CFAP210: variants seen among roughly 807,000 people sequenced by gnomAD.
CFAP210 encodes cilia- and flagella- associated protein 210.
chr2:169,652,415 G>A, the CFAP210 span, among the ~76,000 whole-genome samples: 3 of 152,112 alleles, frequency 2.0e-5, no homozygotes, highest in African/African-American at 4.8e-5. Context: ...CACTATTCCC[G>A]GTGCTGGGGA....
At chr2:169,647,735 A>G in the CFAP210 span, among the ~76,000 whole-genome samples, 4 of 152,232 alleles carry the variant, frequency 2.6e-5, no homozygotes, top group Non-Finnish European at 5.9e-5. Flanking sequence ...TACATCAAAG[A>G]TACTATCAAT....
the CFAP210 span, chr2:169,694,372 G>C: frequency 6.3e-7 from 1 of 1,580,606 alleles, no homozygotes; most frequent in Non-Finnish European, 8.7e-7. Context: ...CAAGCGCCGC[G>C]GACGCCAGCC....
chr2:169,683,710 G>A, the CFAP210 span, among the ~76,000 whole-genome samples: 8 of 152,234 alleles, frequency 5.3e-5, no homozygotes, highest in Non-Finnish European at 8.8e-5. Flanking sequence ...AAGCTATGCA[G>A]TGCAAAGTGT....
the CFAP210 span, among the ~76,000 whole-genome samples, chr2:169,661,996 A>G: frequency 1.3e-5 from 2 of 152,202 alleles, no homozygotes; most frequent in Non-Finnish European, 2.9e-5. Context: ...GATATAAGGA[A>G]TAAGTTCTAG....
At chr2:169,656,494 G>T in the CFAP210 span, among the ~76,000 whole-genome samples, 1 of 133,300 alleles carries the variant, frequency 7.5e-6, no homozygotes, top group Non-Finnish European at 1.7e-5. Context: ...GGAGAAGGAG[G>T]TGCGGGAGGA....
chr2:169,649,683 C>G, the CFAP210 span, among the ~76,000 whole-genome samples: 4 of 152,198 alleles, frequency 2.6e-5, no homozygotes, highest in Admixed American at 2.6e-4. Context: ...AATCTCAGCA[C>G]TTTGGGAGGC....
the CFAP210 span, among the ~76,000 whole-genome samples, chr2:169,687,446 A>T: frequency 6.6e-6 from 1 of 152,240 alleles, no homozygotes; most frequent in East Asian, 1.9e-4. Context: ...AAATACAGCC[A>T]TTCCAAATGG....
At chr2:169,684,818 A>T in the CFAP210 span, among the ~76,000 whole-genome samples, 1 of 151,998 alleles carries the variant, frequency 6.6e-6, no homozygotes, top group African/African-American at 2.4e-5. Flanking sequence ...ATGCCCAGCT[A>T]ATTTTTTTTG....
At chr2:169,671,931 T>A in the CFAP210 span, among the ~76,000 whole-genome samples, 1 of 152,354 alleles carries the variant, frequency 6.6e-6, no homozygotes. Context: ...TGCTCCTGAA[T>A]AAACTCTTAT....
chr2:169,662,541 A>G, the CFAP210 span: 3 of 955,562 alleles, frequency 3.1e-6, no homozygotes, highest in African/African-American at 5.0e-5. Context: ...GCTGCAAGGA[A>G]AAATCTGTGA....
chr2:169,678,556 G>A, the CFAP210 span, among the ~76,000 whole-genome samples: 2 of 152,082 alleles, frequency 1.3e-5, no homozygotes, highest in African/African-American at 2.4e-5. Context: ...CAGGTACAGT[G>A]TCTCACGCCT....
chr2:169,667,843 C>T, the CFAP210 span, among the ~76,000 whole-genome samples: 1 of 151,964 alleles, frequency 6.6e-6, no homozygotes, highest in Non-Finnish European at 1.5e-5. Flanking sequence ...ATTTCAGAGC[C>T]CAGGCAGAGA....
At chr2:169,653,029 A>AAAAAATAT in the CFAP210 span, among the ~76,000 whole-genome samples, 1 of 39,964 alleles carries the variant, frequency 2.5e-5, no homozygotes, top group Non-Finnish European at 4.0e-5. Flanking sequence ...AAAAAAAAAA[A>AAAAAATAT]ATATATATAT....
the CFAP210 span, among the ~76,000 whole-genome samples, chr2:169,670,547 G>A: frequency 6.6e-6 from 1 of 152,190 alleles, no homozygotes; most frequent in Non-Finnish European, 1.5e-5. Context: ...AAACCTGGGA[G>A]TGACTTAGTT....
At chr2:169,677,173 T>C in the CFAP210 span, among the ~76,000 whole-genome samples, 1 of 152,212 alleles carries the variant, frequency 6.6e-6, no homozygotes, top group Admixed American at 6.5e-5. Context: ...CTGCCTTGGT[T>C]CTTCACAGTT....
At chr2:169,656,387 A>AGGATGAAGT in the CFAP210 span, among the ~76,000 whole-genome samples, 17,860 of 149,502 alleles carry the variant, frequency 0.12, 1,297 homozygotes, top group Non-Finnish European at 0.17. Context: ...AAAGAGGAGG[A>AGGATGAAGT]AGAGGAGGAG....
the CFAP210 span, chr2:169,674,815 A>T: frequency 6.7e-7 from 1 of 1,501,546 alleles, no homozygotes; most frequent in East Asian, 2.5e-5. Context: ...ATGCCTAATT[A>T]TGTACAGATA....
chr2:169,655,367 A>G, the CFAP210 span, among the ~76,000 whole-genome samples: 1 of 152,172 alleles, frequency 6.6e-6, no homozygotes, highest in African/African-American at 2.4e-5. Context: ...TAATCTTCCA[A>G]TATATTTATA....
At chr2:169,676,718 C>A in the CFAP210 span, among the ~76,000 whole-genome samples, 1 of 151,878 alleles carries the variant, frequency 6.6e-6, no homozygotes. Flanking sequence ...AAGCGAGGTA[C>A]TATAAGTTTT....
Sources: allele counts gnomAD v4.1 joint callset (sites outside exome capture counted in the v4.1 genomes callset), GRCh38; gene constraint gnomAD v4.1.1; transcripts MANE v1.5; gene names NCBI Gene and HGNC (gene_info 2026-07-23, HGNC 2026-07-21).